HMCN1: variants seen among roughly 807,000 people sequenced by gnomAD.
HMCN1 encodes hemicentin 1.
In HMCN1, 321 loss-of-function variants were observed where a neutral mutation model predicts 625.9. That is an observed-to-expected ratio of 0.51 (90% CI 0.47 to 0.56). The LOEUF (loss-of-function observed/expected upper bound fraction) is 0.56, where lower values mean the gene tolerates loss of function less well. Among genes scored for constraint, HMCN1 ranks in the 20% least tolerant of loss-of-function variants. HMCN1 has a pLI of 0.00. For missense variants in HMCN1, 6,588 were observed against 6,887.3 expected (o/e 0.96, Z 1.54); for synonymous variants, 2,425 against 2,417.6 (o/e 1.00, Z -0.09).
Position 186,000,104 on chromosome 1 carries a change from C to T in HMCN1, c.3934C>T (p.Pro1312Ser). The change falls in exon 26 of 107, where the codon CCT becomes TCT. Residue 1312 changes from proline (P) to serine (S), a missense_variant. Physicochemically the swap from Pro to Ser is moderately conservative, Grantham distance 74. Coordinates refer to ENST00000271588, the MANE Select transcript of HMCN1 (RefSeq NM_031935.3). ...HNGRELTGREPGISILEDGTL... is the reference protein window; with the variant it reads ...HNGRELTGRESGISILEDGTL... ...TGGTAGAGAGTTGACAGGCAGAGAG[C>T]CTGGCATTTCTATCTTGGAAGATGG... is the stretch of plus-strand genomic sequence containing the variant. 2 of 1,613,030 alleles carry T rather than the reference C, an allele frequency of 1.2e-6. No individual in the cohort carries two copies. The highest frequency in any genetic ancestry group is 2.2e-5 in the South Asian group (2 of 91,050).
intron 1 of HMCN1, among the ~76,000 whole-genome samples, chr1:185,816,986 C>G (rs1242651004): frequency 1.3e-5 from 2 of 152,186 alleles, no homozygotes; most frequent in East Asian, 3.8e-4. Flanking sequence ...TCTTTCCCTA[C>G]CACTGTATCT....
intron 4 of HMCN1, among the ~76,000 whole-genome samples, chr1:185,904,585 T>C (rs1284025219): frequency 6.6e-6 from 1 of 151,818 alleles, no homozygotes; most frequent in African/African-American, 2.4e-5. Context: ...GTCATTTTTT[T>C]CCTAATGCTA....
At chr1:185,840,966 T>A (rs1036226080) in intron 1 of HMCN1, among the ~76,000 whole-genome samples, 2 of 152,090 alleles carry the variant, frequency 1.3e-5, no homozygotes, top group African/African-American at 4.8e-5. Flanking sequence ...AGGAACCACT[T>A]TGAGTAAAGA....
In HMCN1 at chr1:186,088,223, C is replaced by A. The variant is rs2102404045; in HGVS notation, c.9524C>A (p.Ala3175Asp). ...AATCCTGTGACATTAACATGTGATG[C>A]CACTGGGATCCCACCTCCCACGATA... ...ISNPVTLTCDATGIPPPTIAW... is the reference protein window; with the variant it reads ...ISNPVTLTCDDTGIPPPTIAW... The change falls in exon 62 of 107, where the codon GCC (alanine) becomes GAC (aspartate). Residue 3175 changes from alanine (A) to aspartate (D), a missense_variant. Physicochemically the swap from Ala to Asp is moderately radical, Grantham distance 126. Transcript: ENST00000271588. The A allele has an allele frequency of 6.2e-7, 1 of 1,612,820 alleles. No homozygotes were observed. The highest frequency in any genetic ancestry group is 8.5e-7 in the Non-Finnish European group (1 of 1,179,320).
intron 1 of HMCN1, among the ~76,000 whole-genome samples, chr1:185,797,940 T>C (rs1266922666): frequency 1.1e-5 from 1 of 90,806 alleles, no homozygotes; most frequent in Non-Finnish European, 1.7e-5. Flanking sequence ...CACTCCAGCC[T>C]GGGCGACAGA....
chr1:186,020,744 G>A (rs1654667818), intron 35 of HMCN1, among the ~76,000 whole-genome samples: 1 of 152,072 alleles, frequency 6.6e-6, no homozygotes, highest in African/African-American at 2.4e-5. Flanking sequence ...ATTAATGGAA[G>A]AGAACGGAGT....
intron 1 of HMCN1, among the ~76,000 whole-genome samples, chr1:185,750,741 T>C (rs1349642331): frequency 6.6e-6 from 1 of 152,138 alleles, no homozygotes; most frequent in Non-Finnish European, 1.5e-5. Context: ...TATAGACTTA[T>C]TTCTATGATC....
chr1:185,794,343 T>TCATATATATATATATATATA (rs544015735), intron 1 of HMCN1, among the ~76,000 whole-genome samples: 1 of 147,642 alleles, frequency 6.8e-6, no homozygotes. Context: ...AGAGGATAGA[T>TCATATATATATATATATATA]TATATATATA....
At chr1:186,091,374 C>T (rs1659834529) in intron 64 of HMCN1, among the ~76,000 whole-genome samples, 1 of 151,986 alleles carries the variant, frequency 6.6e-6, no homozygotes, top group Admixed American at 6.6e-5. Context: ...ATAATTGGCT[C>T]CTTTTGAGAA....
chr1:185,809,963 C>T (rs570594028), intron 1 of HMCN1, among the ~76,000 whole-genome samples: 23 of 152,140 alleles, frequency 1.5e-4, no homozygotes, highest in African/African-American at 5.5e-4. Flanking sequence ...ATCTTTGCCC[C>T]TACTCATTAG....
At chr1:185,867,133 C>T (rs1663300204) in intron 4 of HMCN1, among the ~76,000 whole-genome samples, 1 of 152,078 alleles carries the variant, frequency 6.6e-6, no homozygotes, top group African/African-American at 2.4e-5. Context: ...TTTTTTTAAT[C>T]AACATATTGA....
chr1:186,087,582 A>G lies in HMCN1; in HGVS notation c.9300A>G (p.Ile3100Met). ...CTTGGTATAAGAATGGGCGGATGAT[A>G]ACAGAGTCTACTCATGTGGAGATTT... ...VITWYKNGRMITESTHVEILA... is the reference protein window; with the variant it reads ...VITWYKNGRMMTESTHVEILA... Residue 3100 changes from isoleucine to methionine, a missense_variant, in exon 60 of 107, where the codon ATA (isoleucine) becomes ATG (methionine). By Grantham distance (10) the Ile-to-Met change is conservative (BLOSUM62 1). Around this residue, in one of 3 missense-constraint regions of HMCN1, gnomAD observed 4,628 missense variants for 4,853.1 expected, o/e 0.95. Transcript: ENST00000271588. The G allele has an allele frequency of 6.2e-7, 1 of 1,613,336 alleles. No individual in the cohort carries two copies. Among genetic ancestry groups the G allele is most frequent in the South Asian group, 1.1e-5 (1 of 91,074 alleles).
intron 1 of HMCN1, among the ~76,000 whole-genome samples, chr1:185,791,904 G>T (rs1025479529): frequency 1.3e-5 from 2 of 152,148 alleles, no homozygotes; most frequent in African/African-American, 4.8e-5. Context: ...TCTGTCACTT[G>T]CTCCAGGATA....
chr1:186,185,180 T>C (rs1653205223), intron 105 of HMCN1, among the ~76,000 whole-genome samples: 1 of 152,234 alleles, frequency 6.6e-6, no homozygotes, highest in Admixed American at 6.5e-5. Flanking sequence ...CAACTTACTA[T>C]GCACACTGAT....
At chr1:186,039,175 A>G (rs183740593) in intron 38 of HMCN1, among the ~76,000 whole-genome samples, 170 bp downstream of exon 38, 1 of 152,306 alleles carries the variant, frequency 6.6e-6, no homozygotes, top group African/African-American at 2.4e-5. Flanking sequence ...ATTCCTATTA[A>G]AATGCTCAAT....
chr1:185,924,941 G>C (rs984030055), intron 8 of HMCN1, 106 bp from the exon 9 acceptor site: 2 of 985,264 alleles, frequency 2.0e-6, no homozygotes, highest in Admixed American at 2.0e-5. Flanking sequence ...GGATTTACTG[G>C]AATAATTTAA....
At chr1:185,968,295 T>C (rs1650564907) in intron 14 of HMCN1, among the ~76,000 whole-genome samples, 1 of 152,136 alleles carries the variant, frequency 6.6e-6, no homozygotes, top group African/African-American at 2.4e-5. Flanking sequence ...AGCTGTCTTG[T>C]ATTACACTAC....
In HMCN1 at chr1:185,742,924, G is replaced by A. The variant is rs191273695; in HGVS notation, c.268+7877G>A. On this transcript the variant is annotated intron_variant, in intron 1 of 106. Transcript: ENST00000271588. ...TTGGTAAATCAGATATTTTAAATGT[G>A]TTAGGCATGTTTCCCATTTAACAGA... is the stretch of plus-strand genomic sequence containing the variant. 6.7e-4 allele frequency among the ~76,000 whole-genome samples: 102 copies of A among 152,296 alleles called. 1 individual carries two copies. The highest frequency in any genetic ancestry group is 2.5e-3 in the Admixed American group (39 of 15,302).
intron 1 of HMCN1, among the ~76,000 whole-genome samples, chr1:185,761,592 G>A (rs938766496): frequency 6.6e-6 from 1 of 152,118 alleles, no homozygotes; most frequent in African/African-American, 2.4e-5. Context: ...GACAAGTAAA[G>A]TAAATGAAAC....
Sources: gnomAD v4.1 joint callset for allele counts (sites outside exome capture counted in the v4.1 genomes callset) on GRCh38, gnomAD v4.1.1 for gene constraint, gnomAD v4.1.1 regional missense constraint, MANE v1.5 for transcripts, NCBI Gene and HGNC (gene_info 2026-07-23, HGNC 2026-07-21) for gene names.